Variants in PRDM16 observed in about 807,000 individuals in gnomAD.
The protein encoded by PRDM16 is histone-lysine N-methyltransferase PRDM16.
PRDM16 carries 23 observed loss-of-function variants against 110.6 expected under a neutral mutation model. That is an observed-to-expected ratio of 0.21 (90% CI 0.15 to 0.29). The LOEUF (loss-of-function observed/expected upper bound fraction) is 0.29, where lower values mean the gene tolerates loss of function less well. PRDM16 is among the 10% of genes least tolerant of loss of function. The pLI is 1.00. For synonymous variants in PRDM16, 799 were observed against 781.8 expected (o/e 1.02, Z -0.37); for missense variants, 1,615 against 1,794.3 (o/e 0.90, Z 1.81).
chr1:3,156,442 A>T (rs1017425304), intron 1 of PRDM16, among the ~76,000 whole-genome samples: 2 of 152,214 alleles, frequency 1.3e-5, no homozygotes, highest in Non-Finnish European at 2.9e-5. Flanking sequence ...ATTTAAGTCA[A>T]TGCCTATCCT....
rs1312959565 is a variant in PRDM16, at chr1:3,390,691, C to T, written c.573+5405C>T. On this transcript the variant is annotated intron_variant, in intron 4 of 16. Transcript: ENST00000270722. The surrounding 1 kb of genome is among the most constrained non-coding windows in gnomAD (Gnocchi z 5.0). ...CTCTTTTGCTTTGCTGTCCTGGGCT[C>T]TGACCCGGGTCCCGCGTTTCTGTCT... is the stretch of plus-strand genomic sequence containing the variant. Among the ~76,000 whole-genome samples the T allele has an allele frequency of 1.3e-5, 2 of 152,186 alleles. No individual in the cohort carries two copies. The highest frequency in any genetic ancestry group is 2.9e-5 in the Non-Finnish European group (2 of 68,034).
intron 14 of PRDM16, among the ~76,000 whole-genome samples, chr1:3,426,673 C>A (rs1416394756): frequency 1.3e-5 from 2 of 152,162 alleles, no homozygotes; most frequent in Non-Finnish European, 2.9e-5. Flanking sequence ...TAGGTATGCC[C>A]CGTGTACATG....
At chr1:3,229,874 C>A (rs1639367534) in intron 2 of PRDM16, among the ~76,000 whole-genome samples, 1 of 152,198 alleles carries the variant, frequency 6.6e-6, no homozygotes, top group Non-Finnish European at 1.5e-5. Flanking sequence ...TTGCTCTCTT[C>A]CTTAGAGCAG....
chr1:3,346,634 C>T (rs1352255670), intron 3 of PRDM16, among the ~76,000 whole-genome samples: 1 of 152,154 alleles, frequency 6.6e-6, no homozygotes, highest in Non-Finnish European at 1.5e-5. Context: ...GCCAGCCAGG[C>T]CCACCCCTCA....
chr1:3,277,571 A>C (rs1438131102), intron 3 of PRDM16, among the ~76,000 whole-genome samples: 1 of 152,206 alleles, frequency 6.6e-6, no homozygotes, highest in Non-Finnish European at 1.5e-5. Flanking sequence ...TTATGTTGTG[A>C]ATCCGCTGAA....
chr1:3,157,458 T>TG lies in PRDM16; in HGVS notation c.38-28662dup, dbSNP rs372065203. Among the ~76,000 whole-genome samples the TG allele has an allele frequency of 7.5e-6, 1 of 132,890 alleles. No homozygotes were observed. The highest frequency in any genetic ancestry group is 2.9e-5 in the African/African-American group (1 of 33,964). 87.2% of individuals were successfully genotyped at this position (132,890 alleles called of 152,430 possible). A position where few individuals can be genotyped will look rare whatever the true frequency, so the allele number is the denominator to read the frequency against. On this transcript the variant is annotated intron_variant, in intron 1 of 16. Transcript: ENST00000270722. The surrounding 1 kb of genome is among the most constrained non-coding windows in gnomAD (Gnocchi z 4.8). Reference sequence around the variant, plus strand: ...AAAAAAAAAACACCTTTGTGGGGGCTGGGGGTTGATTGTCTCTTGAAAACA... The same window carrying TG: ...AAAAAAAAAACACCTTTGTGGGGGCTGGGGGGTTGATTGTCTCTTGAAAACA...
At chr1:3,332,081 C>T (rs1642052678) in intron 3 of PRDM16, among the ~76,000 whole-genome samples, 1 of 152,268 alleles carries the variant, frequency 6.6e-6, no homozygotes, top group African/African-American at 2.4e-5. Context: ...GGGTCCCCCA[C>T]CTCTGTCTGG....
intron 1 of PRDM16, among the ~76,000 whole-genome samples, chr1:3,181,893 TACACACGGTCTTAC>T (rs1484592972): frequency 1.1e-5 from 1 of 92,568 alleles, no homozygotes; most frequent in Non-Finnish European, 2.5e-5. Context: ...CACGCAGTCT[TACACACGGTCTTAC>T]ACACGCAGTC....
chr1:3,173,339 C>T (rs1056256410), intron 1 of PRDM16, among the ~76,000 whole-genome samples: 12 of 152,262 alleles, frequency 7.9e-5, no homozygotes, highest in Admixed American at 2.0e-4. Context: ...AGTCATTCAG[C>T]GCCTGCCCGG....
At chr1:3,156,159 T>C (rs1017104704) in intron 1 of PRDM16, among the ~76,000 whole-genome samples, 1 of 152,196 alleles carries the variant, frequency 6.6e-6, no homozygotes, top group African/African-American at 2.4e-5. Flanking sequence ...TCCTCTCCCA[T>C]TTATTTAGAT....
chr1:3,297,147 T>C (rs1267509346), intron 3 of PRDM16, among the ~76,000 whole-genome samples: 3 of 152,204 alleles, frequency 2.0e-5, no homozygotes, highest in African/African-American at 7.2e-5. Flanking sequence ...GCCCTTGTCC[T>C]CTGTCCGCTT....
chr1:3,321,808 G>C (rs950004125), intron 3 of PRDM16, among the ~76,000 whole-genome samples: 1 of 150,552 alleles, frequency 6.6e-6, no homozygotes, highest in African/African-American at 2.4e-5. Flanking sequence ...GTGCGTGTGT[G>C]TAGGTGCACA....
At chr1:3,309,087 C>G (rs59525574) in intron 3 of PRDM16, 1 of 152,224 alleles carries the variant, frequency 6.6e-6, no homozygotes, top group Non-Finnish European at 1.5e-5. Flanking sequence ...CCTGTGGACC[C>G]AGCTCCTCAC....
chr1:3,343,777 A>T lies in PRDM16; in HGVS notation c.439-41375A>T, dbSNP rs1553166020. Among the ~76,000 whole-genome samples the T allele has an allele frequency of 2.0e-5, 3 of 152,160 alleles. No individual in the cohort carries two copies. The South Asian group carries it at 6.2e-4, about 32-fold the overall frequency. ...TGCCTCAGCCTCCCAAGTAGCTGGG[A>T]CTACAGGCATCCACCACCATGCCGG... On this transcript the variant is annotated intron_variant, in intron 3 of 16. Transcript: ENST00000270722.
chr1:3,119,362 C>G (rs1417908167), intron 1 of PRDM16, among the ~76,000 whole-genome samples: 1 of 152,246 alleles, frequency 6.6e-6, no homozygotes, highest in Non-Finnish European at 1.5e-5. Flanking sequence ...TTACCTTTCT[C>G]CAGACACTGG....
chr1:3,290,618 C>T lies in PRDM16; in HGVS notation c.438+46481C>T, dbSNP rs778138485. Among the ~76,000 whole-genome samples the T allele has an allele frequency of 2.0e-5, 3 of 152,172 alleles. No homozygotes were observed. ...CTCCGGCTCCGTCTGCAGGATCCCT[C>T]CCAGGACGCAGTGGTGGGCCCAGGC... is the stretch of plus-strand genomic sequence containing the variant. On this transcript the variant is annotated intron_variant, in intron 3 of 16. Coordinates refer to ENST00000270722, the MANE Select transcript of PRDM16 (RefSeq NM_022114.4). The surrounding 1 kb of genome is among the most constrained non-coding windows in gnomAD (Gnocchi z 4.8).
At chr1:3,111,333 A>G (rs1642786828) in intron 1 of PRDM16, among the ~76,000 whole-genome samples, 1 of 151,722 alleles carries the variant, frequency 6.6e-6, no homozygotes, top group African/African-American at 2.4e-5. Flanking sequence ...GCAGTGGGGG[A>G]GGCAGGATGG....
chr1:3,423,256 G>A (rs1475661448), intron 12 of PRDM16, among the ~76,000 whole-genome samples: 3 of 152,202 alleles, frequency 2.0e-5, no homozygotes, highest in Non-Finnish European at 4.4e-5. Context: ...AGCCTGGGGA[G>A]TTGGGGGAGA....
At chr1:3,274,038 G>T (rs1640527957) in intron 3 of PRDM16, among the ~76,000 whole-genome samples, 1 of 150,384 alleles carries the variant, frequency 6.6e-6, no homozygotes, top group African/African-American at 2.4e-5. Flanking sequence ...TCTCTGATGG[G>T]TGAATTAGGA....
Sources: gnomAD v4.1 joint callset for allele counts (sites outside exome capture counted in the v4.1 genomes callset) on GRCh38, gnomAD v4.1.1 for gene constraint, Gnocchi (gnomAD v3.1) non-coding constraint, MANE v1.5 for transcripts, NCBI Gene and HGNC (gene_info 2026-07-23, HGNC 2026-07-21) for gene names.